The following DAB1 variants were observed in gnomAD, a reference collection of about 807,000 sequenced individuals.
DAB1 encodes the protein disabled homolog 1.
DAB1 carries 15 observed loss-of-function variants against 64.6 expected under a neutral mutation model. That is an observed-to-expected ratio of 0.23 (90% CI 0.16 to 0.36). DAB1 has a LOEUF of 0.36. Ranked by LOEUF, DAB1 falls within the 10% of genes least tolerant of loss-of-function variation. The pLI, the probability that DAB1 is intolerant of heterozygous loss-of-function variation, is 1.00. For synonymous variants in DAB1, 235 were observed against 251.9 expected, an observed-to-expected ratio of 0.93 and a Z score of 0.64; for missense variants, 596 against 706.7, an observed-to-expected ratio of 0.84 and a Z score of 1.78.
intron 5 of DAB1, among the ~76,000 whole-genome samples, chr1:58,053,957 C>T (rs1448358355): frequency 6.6e-6 from 1 of 152,182 alleles, no homozygotes; most frequent in Non-Finnish European, 1.5e-5. Context: ...TTGTTGCCTG[C>T]TAGTTATTTT....
chr1:57,248,052 A>G (rs1669021441), intron 2 of DAB1, among the ~76,000 whole-genome samples: 1 of 152,186 alleles, frequency 6.6e-6, no homozygotes, highest in South Asian at 2.1e-4. Context: ...ACCCTTGTGG[A>G]TACCAAAACA....
intron 4 of DAB1, among the ~76,000 whole-genome samples, chr1:57,127,233 T>C (rs973570099): frequency 1.7e-4 from 26 of 152,202 alleles, no homozygotes; most frequent in African/African-American, 6.0e-4. Flanking sequence ...ATCAGCCATC[T>C]AAATAAAAGC....
chr1:58,329,391 A>G (rs550276030), intron 4 of DAB1, among the ~76,000 whole-genome samples: 1 of 152,324 alleles, frequency 6.6e-6, no homozygotes, highest in South Asian at 2.1e-4. Flanking sequence ...TTCAGATTTT[A>G]TTGTGTAAAT....
chr1:58,267,924 C>A (rs1029194418), intron 4 of DAB1, among the ~76,000 whole-genome samples: 1 of 152,068 alleles, frequency 6.6e-6, no homozygotes, highest in African/African-American at 2.4e-5. Flanking sequence ...CTTGTCATTC[C>A]TGGCTTGTAT....
At chr1:57,544,078 A>C (rs1470883985) in intron 7 of DAB1, among the ~76,000 whole-genome samples, 1 of 152,198 alleles carries the variant, frequency 6.6e-6, no homozygotes, top group African/African-American at 2.4e-5. Flanking sequence ...ATACCACTAC[A>C]CTCTGTCCTG....
chr1:57,891,252 GA>G (rs1294023939), intron 5 of DAB1, among the ~76,000 whole-genome samples: 1 of 151,982 alleles, frequency 6.6e-6, no homozygotes, highest in Non-Finnish European at 1.5e-5. Context: ...CAACAAACAT[GA>G]AAAAAAGCTC....
chr1:57,963,288 C>A (rs1448751265), intron 5 of DAB1, among the ~76,000 whole-genome samples: 1 of 152,138 alleles, frequency 6.6e-6, no homozygotes, highest in African/African-American at 2.4e-5. Flanking sequence ...GGGTGCCATG[C>A]AAGCATATTA....
intron 1 of DAB1, among the ~76,000 whole-genome samples, chr1:58,529,049 A>T (rs545700358): frequency 5.9e-5 from 9 of 152,334 alleles, no homozygotes; most frequent in African/African-American, 1.9e-4. Flanking sequence ...TAATTCTTTT[A>T]ATTTCCTGGC....
At chr1:57,252,067 G>A (rs976631570) in intron 2 of DAB1, among the ~76,000 whole-genome samples, 1 of 152,208 alleles carries the variant, frequency 6.6e-6, no homozygotes, top group Non-Finnish European at 1.5e-5. Context: ...CCCAATATTA[G>A]TGAATCGAAG....
rs1402477695 is a variant in DAB1 at position 57,033,571 on chromosome 1, A to C, written c.724-7528T>G. 5 of 1,612,250 alleles carry C rather than the reference A, an allele frequency of 3.1e-6. No homozygotes were observed. In the East Asian group the frequency reaches 1.1e-4, roughly 36 times the overall value. On this transcript the variant is annotated intron_variant, in intron 9 of 14. Coordinates refer to ENST00000371236, the MANE Select transcript of DAB1 (RefSeq NM_001365792.1). Reference sequence around the variant, plus strand: ...CTTCAAAATCCTCAAACGAATAGCCATTCTGAAAGTGGAAGGGATGATGAA... The same window carrying C: ...CTTCAAAATCCTCAAACGAATAGCCCTTCTGAAAGTGGAAGGGATGATGAA...
chr1:57,529,858 A>G (rs1427527886), intron 7 of DAB1, among the ~76,000 whole-genome samples: 1 of 152,110 alleles, frequency 6.6e-6, no homozygotes, highest in Non-Finnish European at 1.5e-5. Flanking sequence ...CTATAGATCA[A>G]TGTTTGTGTA....
chr1:58,494,045 G>C (rs917485856), intron 3 of DAB1, among the ~76,000 whole-genome samples: 7 of 152,132 alleles, frequency 4.6e-5, no homozygotes, highest in African/African-American at 1.7e-4. Context: ...AACCAAAACA[G>C]CATGGTACTG....
chr1:58,308,148 AG>A (rs938255747), intron 4 of DAB1, among the ~76,000 whole-genome samples: 18 of 152,182 alleles, frequency 1.2e-4, no homozygotes, highest in Non-Finnish European at 2.6e-4. Context: ...GGTGAGATTC[AG>A]GGCTGCCACA....
chr1:57,675,805 C>T (rs540787552), intron 6 of DAB1, among the ~76,000 whole-genome samples: 21 of 152,072 alleles, frequency 1.4e-4, no homozygotes, highest in Admixed American at 1.2e-3. Context: ...GTGGTCAAGC[C>T]CATCAGCACA....
In DAB1 at chr1:57,264,739, T is replaced by C. The variant is rs149356152; in HGVS notation, c.67+26225A>G. On this transcript the variant is annotated intron_variant, in intron 2 of 14. Transcript: ENST00000371236. Reference sequence around the variant, plus strand: ...CACTCACCCTGGGTCAATTCCCTACTACCAAAGGTGAGGAAAGTTCAATTT... The same window carrying C: ...CACTCACCCTGGGTCAATTCCCTACCACCAAAGGTGAGGAAAGTTCAATTT... Among the ~76,000 whole-genome samples the C allele has an allele frequency of 1.6e-3, 244 of 152,298 alleles. 2 individuals are homozygous for C. The highest frequency in any genetic ancestry group is 5.7e-3 in the African/African-American group (236 of 41,576).
intron 6 of DAB1, among the ~76,000 whole-genome samples, chr1:57,761,076 A>G (rs1334973171): frequency 6.6e-6 from 1 of 152,252 alleles, no homozygotes; most frequent in African/African-American, 2.4e-5. Context: ...AACTTGGGTC[A>G]GATCTATGTG....
At chr1:57,558,070 G>A (rs1000892923) in intron 7 of DAB1, among the ~76,000 whole-genome samples, 1 of 152,120 alleles carries the variant, frequency 6.6e-6, no homozygotes. Flanking sequence ...TTAAAGTGAG[G>A]GCATTGACTG....
At chr1:57,689,480 G>A (rs941138411) in intron 6 of DAB1, among the ~76,000 whole-genome samples, 3 of 152,170 alleles carry the variant, frequency 2.0e-5, no homozygotes, top group African/African-American at 7.2e-5. Flanking sequence ...TAAACTTGAT[G>A]CTGAAGTCTT....
In DAB1 at chr1:57,954,354, C is replaced by T. The variant is rs148722718; in HGVS notation, n.388-70192G>A. Among the ~76,000 whole-genome samples the T allele has an allele frequency of 2.9e-3, 435 of 152,098 alleles. 3 individuals carry two copies. Among genetic ancestry groups the T allele is most frequent in the African/African-American group, 9.6e-3 (400 of 41,492 alleles). ...CAAGCCAAGTCATTAAATGAGCATG[C>T]GATATAAGCCAGGACAAGTTCACTC... On this transcript the variant is annotated intron_variant and non_coding_transcript_variant, in intron 5 of 20. Coordinates refer to the DAB1 transcript ENST00000485760.
Sources: allele counts gnomAD v4.1 joint callset (sites outside exome capture counted in the v4.1 genomes callset), GRCh38; gene constraint gnomAD v4.1.1; transcripts MANE v1.5; gene names NCBI Gene and HGNC (gene_info 2026-07-23, HGNC 2026-07-21).